Variants in CELF1 observed in about 807,000 individuals in gnomAD.
CELF1 encodes 50 kDa nuclear polyadenylated RNA-binding protein.
A neutral mutation model predicts 61.8 loss-of-function variants in CELF1; 10 were observed. That is an observed-to-expected ratio of 0.16 (90% CI 0.10 to 0.27). The LOEUF (loss-of-function observed/expected upper bound fraction) is 0.27. CELF1 is among the 10% of genes least tolerant of loss of function. The probability of loss-of-function intolerance (pLI) is 1.00; values close to 1 mark genes in which losing one functional copy is unlikely to be tolerated. For synonymous variants in CELF1, 236 were observed against 225.1 expected, an observed-to-expected ratio of 1.05 and a Z score of -0.43; for missense variants, 380 against 639.1, an observed-to-expected ratio of 0.59 and a Z score of 4.37.
intron 1 of CELF1, among the ~76,000 whole-genome samples, chr11:47,545,088 G>A (rs895285529): frequency 6.6e-5 from 10 of 152,148 alleles, no homozygotes; most frequent in African/African-American, 1.9e-4. Flanking sequence ...TTCAAGATCA[G>A]CCTGGCCAAG....
chr11:47,493,513 G>GAA (rs35976407), intron 3 of CELF1, among the ~76,000 whole-genome samples: 115 of 84,904 alleles, frequency 1.4e-3, no homozygotes, highest in East Asian at 3.5e-3. Flanking sequence ...ATCTCAAAAA[G>GAA]AAAAAAAAAA....
At chr11:47,502,742 G>A (rs563727441) in intron 1 of CELF1, among the ~76,000 whole-genome samples, 1 of 152,292 alleles carries the variant, frequency 6.6e-6, no homozygotes, top group East Asian at 1.9e-4. Context: ...TGAGGCAGGA[G>A]AATCACTTGA....
At chr11:47,485,936 C>T (rs1300998683) in intron 6 of CELF1, among the ~76,000 whole-genome samples, 7 of 146,976 alleles carry the variant, frequency 4.8e-5, no homozygotes, top group African/African-American at 7.4e-5. Context: ...CCGAGGCGGG[C>T]GGATCACAAG....
At chr11:47,553,218 G>A (rs1598721026), upstream of CELF1, 11 of 387,420 alleles carry the variant, frequency 2.8e-5, no homozygotes, top group East Asian at 3.3e-4. Flanking sequence ...ACGTATCACC[G>A]CGGCGCCGCC....
At chr11:47,489,653 C>T in intron 3 of CELF1, among the ~76,000 whole-genome samples, 1 of 152,160 alleles carries the variant, frequency 6.6e-6, no homozygotes, top group Non-Finnish European at 1.5e-5. Flanking sequence ...TGAACATAAA[C>T]AATGTTACCA....
At chr11:47,480,100 T>C (rs1277341276) in intron 9 of CELF1, among the ~76,000 whole-genome samples, 1 of 151,762 alleles carries the variant, frequency 6.6e-6, no homozygotes, top group African/African-American at 2.4e-5. Context: ...TTTTTTTTTT[T>C]TTTTTTTGAG....
Position 47,482,995 on chromosome 11 carries a change from G to A in CELF1, c.607-139C>T, listed in dbSNP as rs568509251. 1,738 of 810,616 alleles carry A rather than the reference G, an allele frequency of 2.1e-3. 2 individuals are homozygous for A. The highest frequency in any genetic ancestry group is 9.4e-3 in the Middle Eastern group (28 of 2,976). 50.2% of individuals were successfully genotyped at this position (810,616 alleles called of 1,614,324 possible). A position where few individuals can be genotyped will look rare whatever the true frequency, so the allele number is the denominator to read the frequency against. On this transcript the variant is annotated intron_variant, in intron 8 of 14. Transcript: ENST00000687097. ...TTCTCCTCATGATAGACACAAGAGA[G>A]AAGAGACTGTAATCCCAACACTTTG...
chr11:47,545,633 C>T (rs1295055540), intron 1 of CELF1, among the ~76,000 whole-genome samples: 1 of 151,922 alleles, frequency 6.6e-6, no homozygotes, highest in African/African-American at 2.4e-5. Context: ...CTGCCAGAGA[C>T]CTTATTTCTA....
chr11:47,476,950 G>T lies in CELF1; in HGVS notation c.983C>A (p.Ser328Ter). 1 of 1,613,552 alleles carries T rather than the reference G, an allele frequency of 6.2e-7. No individual in the cohort carries two copies. Among genetic ancestry groups the T allele is most frequent in the Non-Finnish European group, 8.5e-7 (1 of 1,179,444 alleles). ...LSVLTSSAGS[S>*]PSSSSSNSVN... ...AGAATTACTGCTGCTAGAGCTAGGTGAGGACCCTGCTATTAGAAAGCAAGG... is the reference window on the plus strand; with the variant it reads ...AGAATTACTGCTGCTAGAGCTAGGTTAGGACCCTGCTATTAGAAAGCAAGG... Residue 328 changes from serine to a stop codon, truncating the protein, a stop_gained, in exon 12 of 15, where the codon TCA becomes TAA. Coordinates refer to ENST00000687097, the MANE Select transcript of CELF1 (RefSeq NM_001376376.1). LOFTEE classifies it high-confidence loss of function.
chr11:47,481,965 G>A (rs1054161585), intron 9 of CELF1, among the ~76,000 whole-genome samples: 2 of 152,178 alleles, frequency 1.3e-5, no homozygotes, highest in African/African-American at 4.8e-5. Context: ...CACTTTGGGA[G>A]GCCAAGACAG....
At chr11:47,501,420 T>C (rs1353207923) in intron 1 of CELF1, among the ~76,000 whole-genome samples, 1 of 152,172 alleles carries the variant, frequency 6.6e-6, no homozygotes, top group Non-Finnish European at 1.5e-5. Flanking sequence ...CCTCTTCCTA[T>C]AGAAAGCTGC....
intron 3 of CELF1, among the ~76,000 whole-genome samples, chr11:47,492,698 C>T (rs2092023135): frequency 6.6e-6 from 1 of 152,122 alleles, no homozygotes; most frequent in Non-Finnish European, 1.5e-5. Flanking sequence ...GGCCACTGCA[C>T]TCCAGCCTGG....
chr11:47,511,933 C>A (rs2095223110), intron 1 of CELF1, among the ~76,000 whole-genome samples: 1 of 152,184 alleles, frequency 6.6e-6, no homozygotes, highest in African/African-American at 2.4e-5. Context: ...ACTGCAACCT[C>A]TGCCTCCCGG....
chr11:47,513,060 C>T (rs1163448891), intron 1 of CELF1, among the ~76,000 whole-genome samples: 1 of 152,212 alleles, frequency 6.6e-6, no homozygotes, highest in Non-Finnish European at 1.5e-5. Flanking sequence ...CTTCCAATCC[C>T]TAGAGGATGG....
chr11:47,500,051 T>C (rs1057143835), intron 2 of CELF1, among the ~76,000 whole-genome samples: 3 of 152,202 alleles, frequency 2.0e-5, no homozygotes, highest in African/African-American at 4.8e-5. Flanking sequence ...ATGAGCACAG[T>C]GCTTAGGTCC....
chr11:47,484,317 CA>C (rs372677901), intron 7 of CELF1, 71 bp downstream of exon 7: 88,368 of 1,175,396 alleles, frequency 0.075, 1 homozygote, highest in Admixed American at 0.096. Flanking sequence ...ACCTTGTCTC[CA>C]AAAAAAAAAA....
At position 47,477,397 on chromosome 11, in the gene CELF1, C is replaced by A; in HGVS notation, c.873G>T (p.Leu291Phe). Residue 291 changes from leucine to phenylalanine, a missense_variant, in exon 11 of 15, where the codon TTG becomes TTT. Physicochemically the swap from Leu to Phe is conservative, Grantham distance 22 (BLOSUM62 0). Transcript: ENST00000687097. The stretch of plus-strand genomic sequence containing the variant: ...CACTAGCTGCAGCAGCTAGTGCAGC[C>A]AAATTCTGTAACTGCATTGCATTCA... ...GGLNAMQLQN[L>F]AALAAAASAA... The A allele has an allele frequency of 6.2e-7, 1 of 1,609,854 alleles. No individual in the cohort carries two copies. Among genetic ancestry groups the A allele is most frequent in the Non-Finnish European group, 8.5e-7 (1 of 1,177,062 alleles).
chr11:47,535,797 C>G (rs987865199), intron 1 of CELF1, among the ~76,000 whole-genome samples: 1 of 150,842 alleles, frequency 6.6e-6, no homozygotes, highest in African/African-American at 2.4e-5. Context: ...GGGTCTTGCT[C>G]TGTCGCCCAG....
At chr11:47,498,915 T>C (rs1339628439) in intron 3 of CELF1, among the ~76,000 whole-genome samples, 1 of 152,034 alleles carries the variant, frequency 6.6e-6, no homozygotes, top group Admixed American at 6.6e-5. Context: ...CTGAGCTGTA[T>C]TTTCAATTAG....
Sources: gnomAD v4.1 joint callset for allele counts (sites outside exome capture counted in the v4.1 genomes callset) on GRCh38, gnomAD v4.1.1 for gene constraint, MANE v1.5 for transcripts, NCBI Gene and HGNC (gene_info 2026-07-23, HGNC 2026-07-21) for gene names.